The following GLRA2 variants were observed in gnomAD, a reference collection of about 807,000 sequenced individuals.
GLRA2 encodes the protein glycine receptor subunit alpha-2.
Under a neutral mutation model 31.6 loss-of-function variants are expected in GLRA2, and 11 were observed. The observed-to-expected ratio is 0.35, with a 90% CI of 0.22 to 0.58. The LOEUF (loss-of-function observed/expected upper bound fraction) is 0.58. GLRA2 is among the 20% of genes least tolerant of loss of function. The probability of loss-of-function intolerance (pLI) is 0.84; values close to 1 mark genes in which losing one functional copy is unlikely to be tolerated. For synonymous variants in GLRA2, 132 were observed against 134.0 expected (o/e 0.99, Z 0.10); for missense variants, 212 against 351.8 (o/e 0.60, Z 3.18).
At chrX:14,653,881 T>C (rs376629966) in intron 7 of GLRA2, among the ~76,000 whole-genome samples, 2 of 112,197 alleles carry the variant, frequency 1.8e-5, no homozygotes, top group African/African-American at 6.5e-5. Context: ...TCCCAGCGAA[T>C]TGGGAGGCTA....
chrX:14,691,274 T>A (rs1386067008), intron 8 of GLRA2, among the ~76,000 whole-genome samples: 70 of 3,930 alleles, frequency 0.018, 1 homozygote, highest in African/African-American at 0.057. Flanking sequence ...ATATTGACTG[T>A]GTGTGTGTGT....
At chrX:14,492,395 C>A in the GLRA2 span, among the ~76,000 whole-genome samples, 4 of 111,405 alleles carry the variant, frequency 3.6e-5, no homozygotes, top group Admixed American at 9.6e-5. Flanking sequence ...TTGAGAACTT[C>A]TGGCTGACAT....
chrX:14,518,679 A>T, the GLRA2 span, among the ~76,000 whole-genome samples: 1 of 110,372 alleles, frequency 9.1e-6, no homozygotes, highest in Non-Finnish European at 1.9e-5. Flanking sequence ...GTGTGAAAAC[A>T]AAATGCTAAG....
chrX:14,521,583 G>T, the GLRA2 span, among the ~76,000 whole-genome samples: 1 of 111,438 alleles, frequency 9.0e-6, no homozygotes, highest in Non-Finnish European at 1.9e-5. Flanking sequence ...CCAGCTTGCA[G>T]ATGGTCCAGC....
At chrX:14,682,505 C>A (rs1248475249) in intron 7 of GLRA2, among the ~76,000 whole-genome samples, 2 of 111,017 alleles carry the variant, frequency 1.8e-5, no homozygotes, top group East Asian at 5.6e-4. Context: ...CAAATAATTG[C>A]AAACATTTAT....
intron 8 of GLRA2, among the ~76,000 whole-genome samples, chrX:14,716,022 C>T (rs747421189): frequency 1.2e-4 from 13 of 111,418 alleles, no homozygotes; most frequent in Non-Finnish European, 1.7e-4. Flanking sequence ...AAGCACAGGA[C>T]CCTTCTAAGC....
chrX:14,516,429 T>C, the GLRA2 span, among the ~76,000 whole-genome samples: 1 of 111,953 alleles, frequency 8.9e-6, no homozygotes, highest in Non-Finnish European at 1.9e-5. Context: ...TGAGAGGTTT[T>C]TCAATCTATT....
chrX:14,504,125 C>T, the GLRA2 span, among the ~76,000 whole-genome samples: 1 of 111,954 alleles, frequency 8.9e-6, no homozygotes, highest in Non-Finnish European at 1.9e-5. Context: ...ATGTTTACGA[C>T]ATCATTGATG....
At chrX:14,467,403 G>A in the GLRA2 span, among the ~76,000 whole-genome samples, 28 of 111,857 alleles carry the variant, frequency 2.5e-4, no homozygotes, top group African/African-American at 8.1e-4. Context: ...CCAAAGTAAC[G>A]TCCACAGACC....
At chrX:14,451,646 A>G in the GLRA2 span, among the ~76,000 whole-genome samples, 1 of 30,225 alleles carries the variant, frequency 3.3e-5, no homozygotes, top group Non-Finnish European at 6.3e-5. Context: ...TCTGTCTCCA[A>G]AAAAAAAAAA....
chrX:14,662,535 T>A (rs1324646790), intron 7 of GLRA2, among the ~76,000 whole-genome samples: 1 of 111,978 alleles, frequency 8.9e-6, no homozygotes, highest in African/African-American at 3.2e-5. Flanking sequence ...AAACAAAATA[T>A]ATATGAATGT....
At chrX:14,487,085 A>AT in the GLRA2 span, among the ~76,000 whole-genome samples, 1 of 110,494 alleles carries the variant, frequency 9.1e-6, no homozygotes, top group African/African-American at 3.3e-5. Context: ...ACTATATTAT[A>AT]TACTAATTTA....
intron 2 of GLRA2, among the ~76,000 whole-genome samples, chrX:14,565,520 CTGTT>C (rs10562020): frequency 0.32 from 34,811 of 109,708 alleles, 4,857 homozygotes; most frequent in African/African-American, 0.54. Context: ...TTTTGGAGCT[CTGTT>C]TGGTGCATAT....
intron 7 of GLRA2, among the ~76,000 whole-genome samples, chrX:14,660,649 G>T (rs6628401): frequency 8.9e-6 from 1 of 111,869 alleles, no homozygotes; most frequent in Non-Finnish European, 1.9e-5. Flanking sequence ...GATTGGGACC[G>T]GTGGCTAGCA....
intron 8 of GLRA2, among the ~76,000 whole-genome samples, chrX:14,692,709 G>A (rs1270103461): frequency 1.8e-5 from 2 of 111,504 alleles, no homozygotes; most frequent in African/African-American, 6.5e-5. Context: ...CTTACTGACT[G>A]CATACTCTCC....
the GLRA2 span, among the ~76,000 whole-genome samples, chrX:14,471,577 T>C: frequency 3.6e-5 from 4 of 112,107 alleles, no homozygotes; most frequent in African/African-American, 1.3e-4. Context: ...TTTTAAAAGA[T>C]TGTCTTATTT....
At position 14,699,180 on chromosome X, in the gene GLRA2, A is replaced by G. The variant is rs763946581; in HGVS notation, c.1080+8321A>G. ...TTTTAATGTTATCGCCTCTGCTCCA[A>G]TAAGAAATATGTGCACCATGTGAAG... is the stretch of plus-strand genomic sequence containing the variant. On this transcript the variant is annotated intron_variant, in intron 8 of 8. Coordinates refer to ENST00000218075, the MANE Select transcript of GLRA2 (RefSeq NM_002063.4). Among the ~76,000 whole-genome samples the G allele has an allele frequency of 3.6e-5, 4 of 112,188 alleles. No homozygotes were observed. The South Asian group carries it at 1.1e-3, about 31-fold the overall frequency.
intron 7 of GLRA2, among the ~76,000 whole-genome samples, chrX:14,647,462 G>A (rs1478585141): frequency 1.8e-5 from 2 of 111,355 alleles, no homozygotes; most frequent in Non-Finnish European, 3.8e-5. Context: ...ACCAGAGTCG[G>A]AATCCATTTC....
the GLRA2 span, among the ~76,000 whole-genome samples, chrX:14,511,994 A>T: frequency 8.9e-6 from 1 of 111,846 alleles, no homozygotes; most frequent in Non-Finnish European, 1.9e-5. Context: ...CATGTGCCAT[A>T]GCCGCACAGG....
Sources: allele counts gnomAD v4.1 joint callset (sites outside exome capture counted in the v4.1 genomes callset), GRCh38; gene constraint gnomAD v4.1.1; transcripts MANE v1.5; gene names NCBI Gene and HGNC (gene_info 2026-07-23, HGNC 2026-07-21).